The following OSTC variants were observed in gnomAD, a reference collection of about 807,000 sequenced individuals.
OSTC encodes the protein oligosaccharyltransferase complex subunit OSTC.
A neutral mutation model predicts 16.4 loss-of-function variants in OSTC; 16 were observed. That is an observed-to-expected ratio of 0.98 (90% CI 0.66 to 1.49). The LOEUF (loss-of-function observed/expected upper bound fraction) is 1.49. Ranked by LOEUF, OSTC falls within the 40% of genes most tolerant of loss-of-function variation. The pLI is 0.00. For synonymous variants in OSTC, 67 were observed against 68.5 expected, an observed-to-expected ratio of 0.98 and a Z score of 0.11; for missense variants, 139 against 186.3, an observed-to-expected ratio of 0.75 and a Z score of 1.48.
Position 108,667,445 on chromosome 4 carries a change from A to G in OSTC, c.*180A>G, listed in dbSNP as rs1340130607. On this transcript the variant is annotated 3_prime_UTR_variant, in exon 4 of 4. Transcript: ENST00000361564. ...GGACTAGAATTTCTTCTTGGTATTA[A>G]AGAGACAAGTTTATCACAGAATTTT... 1 of 482,272 alleles carries G rather than the reference A, an allele frequency of 2.1e-6. No individual in the cohort carries two copies. Among genetic ancestry groups the G allele is most frequent in the Non-Finnish European group, 3.6e-6 (1 of 276,972 alleles). 29.9% of individuals were successfully genotyped at this position (482,272 alleles called of 1,614,324 possible).
At chr4:108,658,971 CTTTTTTTT>C (rs766585998) in intron 3 of OSTC, among the ~76,000 whole-genome samples, 17 of 83,910 alleles carry the variant, frequency 2.0e-4, no homozygotes, top group Non-Finnish European at 3.2e-4. Context: ...GGCAGCAGCT[CTTTTTTTT>C]TTTTTTTTTT....
chr4:108,663,374 G>C (rs1418332309), intron 3 of OSTC: 1 of 340,278 alleles, frequency 2.9e-6, no homozygotes, highest in African/African-American at 2.2e-5. Flanking sequence ...ACCATGCCCA[G>C]CTCATTTTTT....
chr4:108,667,181 T>C, intron 3 of OSTC, 66 bp from the exon 4 acceptor site: 1 of 1,345,876 alleles, frequency 7.4e-7, no homozygotes, highest in Non-Finnish European at 1.0e-6. Flanking sequence ...TTTGAAATAC[T>C]ATGATAATAA....
At chr4:108,651,833 A>C (rs778781942) in intron 1 of OSTC, among the ~76,000 whole-genome samples, 7 of 152,206 alleles carry the variant, frequency 4.6e-5, no homozygotes, top group Admixed American at 2.6e-4. Flanking sequence ...AATAGTTGGC[A>C]CTGAAGGGGG....
At chr4:108,660,743 T>C (rs374059133) in intron 3 of OSTC, among the ~76,000 whole-genome samples, 1 of 152,210 alleles carries the variant, frequency 6.6e-6, no homozygotes, top group Non-Finnish European at 1.5e-5. Flanking sequence ...TTTACAAAGA[T>C]GTTACCTTTA....
intron 3 of OSTC, among the ~76,000 whole-genome samples, chr4:108,659,699 G>A (rs1421434153): frequency 1.3e-5 from 2 of 152,076 alleles, no homozygotes; most frequent in Non-Finnish European, 2.9e-5. Context: ...AACCCAGGAG[G>A]CAGAGCTTGC....
chr4:108,661,819 G>A lies in OSTC; in HGVS notation c.431+4172G>A, dbSNP rs146472170. ...TGCCATTTTGGCAGAGGCTGGTCTCGAACTCCTGACCTCAAGTGATCTGCC... is the reference window on the plus strand; with the variant it reads ...TGCCATTTTGGCAGAGGCTGGTCTCAAACTCCTGACCTCAAGTGATCTGCC... On this transcript the variant is annotated intron_variant, in intron 3 of 3. Transcript: ENST00000361564. 7.0e-4 allele frequency among the ~76,000 whole-genome samples: 107 copies of A among 151,986 alleles called. 1 individual carries two copies. The highest frequency in any genetic ancestry group is 2.5e-3 in the African/African-American group (104 of 41,468).
At chr4:108,664,969 G>A (rs1007335283) in intron 3 of OSTC, among the ~76,000 whole-genome samples, 1 of 152,150 alleles carries the variant, frequency 6.6e-6, no homozygotes, top group Non-Finnish European at 1.5e-5. Flanking sequence ...CAAGGTGGTT[G>A]TGTTAGATGA....
At chr4:108,656,172 T>A (rs1726695906) in intron 2 of OSTC, among the ~76,000 whole-genome samples, 1 of 152,200 alleles carries the variant, frequency 6.6e-6, no homozygotes, top group Non-Finnish European at 1.5e-5. Context: ...ACTTTGAGGG[T>A]TCTGTTTCAT....
In OSTC at chr4:108,667,254, C is replaced by A. The variant is rs768216564; in HGVS notation, c.439C>A (p.Leu147Met). The A allele has an allele frequency of 3.5e-5, 57 of 1,609,120 alleles. No individual in the cohort carries two copies. Among genetic ancestry groups the A allele is most frequent in the Non-Finnish European group, 4.2e-6 (5 of 1,177,264 alleles). ...ATAATTATATTTCTGCAGGGGCTAT[C>A]TGATGGGTTAGAGTGCCTTTGAGAA... ...VFMRMKLPGY[L>M]MG The change falls in exon 4 of 4, where the codon CTG becomes ATG. Residue 147 changes from leucine (L) to methionine (M), a missense_variant. Leu to Met is a conservative substitution (Grantham distance 15). Coordinates refer to ENST00000361564, the MANE Select transcript of OSTC (RefSeq NM_021227.4).
At chr4:108,662,695 A>C (rs1279158923) in intron 3 of OSTC, among the ~76,000 whole-genome samples, 5 of 152,178 alleles carry the variant, frequency 3.3e-5, no homozygotes, top group African/African-American at 1.2e-4. Context: ...AGGAGAGCTT[A>C]ATGGCTTGGC....
chr4:108,653,489 T>C (rs1726612148), intron 1 of OSTC, among the ~76,000 whole-genome samples: 1 of 152,096 alleles, frequency 6.6e-6, no homozygotes. Flanking sequence ...TTTATGGTAG[T>C]GGAGATTAGG....
At chr4:108,653,684 T>A (rs560069091) in intron 1 of OSTC, among the ~76,000 whole-genome samples, 3 of 152,248 alleles carry the variant, frequency 2.0e-5, no homozygotes, top group Non-Finnish European at 4.4e-5. Flanking sequence ...CCAGAGGTTG[T>A]TTTGGGGTAA....
intron 3 of OSTC, among the ~76,000 whole-genome samples, chr4:108,665,500 C>T (rs2110389089): frequency 7.7e-6 from 1 of 130,236 alleles, no homozygotes; most frequent in South Asian, 2.5e-4. Flanking sequence ...CAGGCTGGAG[C>T]ACGGGGTTTC....
chr4:108,650,882 C>T (rs1437599117), intron 1 of OSTC, 88 bp downstream of exon 1: 4 of 1,577,744 alleles, frequency 2.5e-6, no homozygotes, highest in Admixed American at 3.5e-5. Flanking sequence ...CTCTCAGCCC[C>T]GGGGGAAGCA....
chr4:108,656,701 CAAG>C (rs1250793294), intron 2 of OSTC, among the ~76,000 whole-genome samples: 1 of 151,994 alleles, frequency 6.6e-6, no homozygotes, highest in Non-Finnish European at 1.5e-5. Flanking sequence ...CCATTTGAAA[CAAG>C]AAGTTTATTA....
At chr4:108,663,593 T>G (rs1028536594) in intron 3 of OSTC, among the ~76,000 whole-genome samples, 1 of 152,224 alleles carries the variant, frequency 6.6e-6, no homozygotes, top group Admixed American at 6.5e-5. Flanking sequence ...GTGAGGAGAC[T>G]TGTGTTTTAA....
At chr4:108,655,682 T>A in intron 2 of OSTC, 25 bp downstream of exon 2, 1 of 1,536,136 alleles carries the variant, frequency 6.5e-7, no homozygotes. Context: ...TTTGAATGAT[T>A]TGGTGGTGGG....
intron 3 of OSTC, among the ~76,000 whole-genome samples, chr4:108,664,595 AT>A (rs1212882686): frequency 7.1e-4 from 102 of 144,128 alleles, no homozygotes; most frequent in African/African-American, 1.2e-3. Flanking sequence ...TTAATTTTTA[AT>A]TTTTTTTTTT....
Sources: allele counts gnomAD v4.1 joint callset (sites outside exome capture counted in the v4.1 genomes callset), GRCh38; gene constraint gnomAD v4.1.1; transcripts MANE v1.5; gene names NCBI Gene and HGNC (gene_info 2026-07-23, HGNC 2026-07-21).